KIAA0825: variants seen among roughly 807,000 people sequenced by gnomAD.
The protein encoded by KIAA0825 is uncharacterized protein KIAA0825.
In KIAA0825, 119 loss-of-function variants were observed where a neutral mutation model predicts 147.6. The observed-to-expected ratio is 0.81, with a 90% confidence interval of 0.69 to 0.94. KIAA0825 has a LOEUF of 0.94. Ranked by LOEUF, KIAA0825 falls within the 40% of genes least tolerant of loss-of-function variation. KIAA0825 has a pLI of 0.00. For synonymous variants in KIAA0825, 470 were observed against 518.1 expected (o/e 0.91, Z 1.26); for missense variants, 1,381 against 1,472.7 (o/e 0.94, Z 1.02).
At chr5:94,521,079 A>G (rs962241368) in intron 4 of KIAA0825, among the ~76,000 whole-genome samples, 162 bp from the exon 5 acceptor site, 1 of 151,832 alleles carries the variant, frequency 6.6e-6, no homozygotes, top group Non-Finnish European at 1.5e-5. Context: ...CAGATGTTTT[A>G]GAATGTTAGC....
intron 2 of KIAA0825, among the ~76,000 whole-genome samples, chr5:94,578,845 TG>T (rs1194749565): frequency 6.6e-5 from 10 of 152,170 alleles, no homozygotes; most frequent in Admixed American, 5.9e-4. Context: ...TCCTGGGTGA[TG>T]GTAACACTGC....
At chr5:94,446,091 C>T (rs1054509373) in intron 13 of KIAA0825, among the ~76,000 whole-genome samples, 1 of 152,172 alleles carries the variant, frequency 6.6e-6, no homozygotes, top group African/African-American at 2.4e-5. Context: ...TGGTGCTTCC[C>T]CTGCCTGGGC....
In KIAA0825 at chr5:94,256,763, G is replaced by A. The variant is rs186363942; in HGVS notation, c.3711-102639C>T. 3.0e-4 allele frequency among the ~76,000 whole-genome samples: 45 copies of A among 152,248 alleles called. No individual in the cohort carries two copies. In the East Asian group the frequency reaches 7.7e-3, roughly 26 times the overall value. The stretch of plus-strand genomic sequence containing the variant: ...GGCTTCCAGGGGCCATGAACCTCCT[G>A]AAAGTGTTGGCAAGTTCTGGAGGTA... On this transcript the variant is annotated intron_variant, in intron 20 of 20. Coordinates refer to ENST00000682413, the MANE Select transcript of KIAA0825 (RefSeq NM_001145678.3).
At chr5:94,439,694 T>A (rs889683317) in intron 14 of KIAA0825, among the ~76,000 whole-genome samples, 5 of 152,310 alleles carry the variant, frequency 3.3e-5, no homozygotes, top group African/African-American at 1.2e-4. Context: ...ACAATTTTTT[T>A]AGGCATTTCA....
In KIAA0825 at chr5:94,520,897, T is replaced by C. The variant is rs774762522; in HGVS notation, c.321A>G (p.Glu107=). The change falls in exon 5 of 21, where the codon GAA becomes GAG. Residue 107 remains glutamate, a synonymous_variant. Transcript: ENST00000682413. ...CCAATGTCATTTCTTCTTGATTTTG[T>C]TCATTCTTCAACAAATCTTGCTAAT... ...FKTLQDLLKN[E]QNQEEMTLDL... The C allele has an allele frequency of 3.1e-6, 5 of 1,599,254 alleles. No homozygotes were observed. The African/African-American group carries it at 5.4e-5, about 17-fold the overall frequency.
chr5:94,575,384 G>T (rs1032556083), intron 2 of KIAA0825, among the ~76,000 whole-genome samples: 2 of 151,754 alleles, frequency 1.3e-5, no homozygotes, highest in African/African-American at 4.8e-5. Flanking sequence ...AGATAGATCT[G>T]AAATGACTTT....
chr5:94,478,975 T>C (rs978882847), intron 6 of KIAA0825, among the ~76,000 whole-genome samples: 4 of 152,122 alleles, frequency 2.6e-5, no homozygotes, highest in Non-Finnish European at 5.9e-5. Context: ...TACAAAAAAA[T>C]TGAGCAGAAA....
intron 18 of KIAA0825, among the ~76,000 whole-genome samples, chr5:94,387,004 A>AT (rs748124137): frequency 2.0e-5 from 3 of 152,236 alleles, no homozygotes; most frequent in Non-Finnish European, 4.4e-5. Flanking sequence ...GCAAAAAAAA[A>AT]GCCAATCTAC....
intron 20 of KIAA0825, among the ~76,000 whole-genome samples, chr5:94,232,621 C>G (rs1487563878): frequency 6.6e-6 from 1 of 152,056 alleles, no homozygotes; most frequent in South Asian, 2.1e-4. Flanking sequence ...CTTTTAATAA[C>G]TTGCAATAAC....
intron 6 of KIAA0825, among the ~76,000 whole-genome samples, chr5:94,481,417 A>G (rs999558632): frequency 2.6e-5 from 4 of 152,134 alleles, no homozygotes; most frequent in African/African-American, 9.7e-5. Flanking sequence ...CCTTGTTGGC[A>G]GCTCTAAGTG....
chr5:94,560,636 C>T (rs1041106073), intron 2 of KIAA0825, among the ~76,000 whole-genome samples: 35 of 152,162 alleles, frequency 2.3e-4, no homozygotes, highest in African/African-American at 7.5e-4. Flanking sequence ...AGAAAATGTT[C>T]GCTGACCCCT....
intron 1 of KIAA0825, chr5:94,615,534 G>A (rs1183812936): frequency 2.0e-5 from 3 of 152,116 alleles, no homozygotes; most frequent in Non-Finnish European, 2.9e-5. Flanking sequence ...TGTAAAAGGA[G>A]GATAATAATA....
intron 15 of KIAA0825, among the ~76,000 whole-genome samples, chr5:94,408,503 C>T (rs939493239): frequency 6.9e-6 from 1 of 145,220 alleles, no homozygotes; most frequent in Non-Finnish European, 1.5e-5. Flanking sequence ...CCCACCACCA[C>T]ACTCAGCTAA....
chr5:94,337,104 G>A (rs528355667), intron 20 of KIAA0825, among the ~76,000 whole-genome samples: 18 of 152,244 alleles, frequency 1.2e-4, no homozygotes, highest in African/African-American at 3.9e-4. Flanking sequence ...GAGCAGATCC[G>A]TGGTTCTTTA....
At position 94,396,089 on chromosome 5, in the gene KIAA0825, ACAT is replaced by A. The variant is rs1750620816; in HGVS notation, c.3296+9_3296+11del. On this transcript the variant is annotated intron_variant, in intron 17 of 20. Coordinates refer to ENST00000682413, the MANE Select transcript of KIAA0825 (RefSeq NM_001145678.3). Reference sequence around the variant, plus strand: ...TTTGATGAAATCCAATAAGAGAAAAACATCACTTTACCATTCAGTGCTCAGTTT... The same window carrying A: ...TTTGATGAAATCCAATAAGAGAAAAACACTTTACCATTCAGTGCTCAGTTT... 1.4e-6 allele frequency: 2 copies of A among 1,424,964 alleles called. No individual in the cohort carries two copies. The highest frequency in any genetic ancestry group is 5.2e-5 in the East Asian group (2 of 38,630). The allele number at this position is 1,424,964 out of a possible 1,614,324, so 88.3% of individuals were successfully genotyped here. A position where few individuals can be genotyped will look rare whatever the true frequency, so the allele number is the denominator to read the frequency against.
intron 12 of KIAA0825, among the ~76,000 whole-genome samples, chr5:94,458,841 C>A (rs1279794874): frequency 6.6e-6 from 1 of 151,806 alleles, no homozygotes; most frequent in East Asian, 1.9e-4. Context: ...AATTCATATA[C>A]CACAAGATTT....
chr5:94,548,387 C>A (rs1282566936), intron 2 of KIAA0825, among the ~76,000 whole-genome samples: 1 of 151,818 alleles, frequency 6.6e-6, no homozygotes, highest in East Asian at 1.9e-4. Context: ...CTCACAGTAA[C>A]CTCAAATCTA....
intron 1 of KIAA0825, chr5:94,592,631 T>C (rs1371057718): frequency 5.1e-6 from 1 of 197,852 alleles, no homozygotes; most frequent in African/African-American, 2.4e-5. Flanking sequence ...TTGCTGAAGC[T>C]GTACATTGGA....
intron 20 of KIAA0825, among the ~76,000 whole-genome samples, chr5:94,216,038 T>C (rs1315582401): frequency 1.3e-5 from 2 of 152,084 alleles, no homozygotes; most frequent in African/African-American, 2.4e-5. Flanking sequence ...CCATGCCGGG[T>C]TCCTCTACCA....
Sources: gnomAD v4.1 joint callset for allele counts (sites outside exome capture counted in the v4.1 genomes callset) on GRCh38, gnomAD v4.1.1 for gene constraint, MANE v1.5 for transcripts, NCBI Gene and HGNC (gene_info 2026-07-23, HGNC 2026-07-21) for gene names.